TMX3: variants seen among roughly 807,000 people sequenced by gnomAD.
TMX3 encodes the protein protein disulfide-isomerase TMX3.
TMX3 carries 40 observed loss-of-function variants against 64.4 expected under a neutral mutation model. That is an observed-to-expected ratio of 0.62 (90% CI 0.48 to 0.81). The LOEUF (loss-of-function observed/expected upper bound fraction) is 0.81, where lower values mean the gene tolerates loss of function less well. Ranked by LOEUF, TMX3 falls within the 30% of genes least tolerant of loss-of-function variation. The pLI is 0.00. For missense variants in TMX3, 497 were observed against 534.5 expected, an observed-to-expected ratio of 0.93 and a Z score of 0.69; for synonymous variants, 189 against 175.7, an observed-to-expected ratio of 1.08 and a Z score of -0.60.
intron 9 of TMX3, among the ~76,000 whole-genome samples, chr18:68,689,530 T>C (rs1219559895): frequency 1.3e-5 from 2 of 152,128 alleles, no homozygotes; most frequent in African/African-American, 4.8e-5. Flanking sequence ...ATCTCTTTAA[T>C]CCTGTTTCTT....
At chr18:68,695,385 G>T (rs1209226366) in intron 8 of TMX3, among the ~76,000 whole-genome samples, 4 of 152,132 alleles carry the variant, frequency 2.6e-5, no homozygotes, top group Non-Finnish European at 2.9e-5. Context: ...CCATGTCTGG[G>T]AAGGTTCTTT....
intron 8 of TMX3, among the ~76,000 whole-genome samples, chr18:68,694,782 G>T (rs1176870437): frequency 2.0e-5 from 3 of 152,202 alleles, no homozygotes; most frequent in Non-Finnish European, 4.4e-5. Flanking sequence ...TCCTCCAGGA[G>T]TTGAAAATCA....
At chr18:68,693,418 G>A (rs1914725757) in intron 8 of TMX3, among the ~76,000 whole-genome samples, 2 of 152,208 alleles carry the variant, frequency 1.3e-5, no homozygotes, top group South Asian at 4.1e-4. Context: ...CCGGGGCCTG[G>A]AAAGCAGCCA....
intron 3 of TMX3, among the ~76,000 whole-genome samples, chr18:68,710,770 A>G (rs138389541): frequency 1.2e-3 from 176 of 152,302 alleles, no homozygotes; most frequent in African/African-American, 4.0e-3. Context: ...AGATTTTTTA[A>G]CTTTATACTA....
At chr18:68,702,055 A>G (rs1044027557) in intron 4 of TMX3, among the ~76,000 whole-genome samples, 1 of 151,230 alleles carries the variant, frequency 6.6e-6, no homozygotes, top group African/African-American at 2.4e-5. Context: ...TTAAAAATTT[A>G]TAAAATACTT....
At chr18:68,704,391 G>C (rs1356895690) in intron 4 of TMX3, among the ~76,000 whole-genome samples, 1 of 151,382 alleles carries the variant, frequency 6.6e-6, no homozygotes, top group African/African-American at 2.4e-5. Flanking sequence ...ACTCGTTTGA[G>C]AGCAAACAAT....
intron 6 of TMX3, 82 bp from the exon 7 acceptor site, chr18:68,698,113 T>C: frequency 1.2e-6 from 1 of 856,680 alleles, no homozygotes; most frequent in Non-Finnish European, 1.8e-6. Flanking sequence ...ACTAATCATG[T>C]CTCAAGTTAT....
At chr18:68,713,953 C>G in intron 1 of TMX3, 53 bp from the exon 2 acceptor site, 4 of 1,309,682 alleles carry the variant, frequency 3.1e-6, no homozygotes, top group East Asian at 2.4e-5. Flanking sequence ...TTGGCTCATA[C>G]CGTATAAGCT....
intron 8 of TMX3, among the ~76,000 whole-genome samples, chr18:68,695,878 C>A (rs559435304): frequency 6.6e-6 from 1 of 152,326 alleles, no homozygotes; most frequent in South Asian, 2.1e-4. Context: ...CCATGACTTA[C>A]AATGCCTACA....
At chr18:68,683,173 A>G (rs1913612583) in intron 12 of TMX3, among the ~76,000 whole-genome samples, 192 bp from the exon 13 acceptor site, 1 of 152,182 alleles carries the variant, frequency 6.6e-6, no homozygotes, top group Non-Finnish European at 1.5e-5. Context: ...TGTAAATTCT[A>G]CTGGCTTCTG....
intron 8 of TMX3, among the ~76,000 whole-genome samples, chr18:68,694,424 G>A (rs1403080487): frequency 6.6e-6 from 1 of 152,168 alleles, no homozygotes; most frequent in East Asian, 1.9e-4. Flanking sequence ...CAGGTGCCTG[G>A]AGCTGCCTTC....
intron 6 of TMX3, among the ~76,000 whole-genome samples, chr18:68,698,812 C>T (rs1347080290): frequency 2.0e-5 from 3 of 151,476 alleles, no homozygotes; most frequent in Admixed American, 6.6e-5. Flanking sequence ...GTCAGGAGGT[C>T]GAGACCATCC....
rs943802086 is a variant in TMX3 at position 68,673,929 on chromosome 18, T to C, written c.*3004A>G. On this transcript the variant is annotated 3_prime_UTR_variant, in exon 16 of 16. Coordinates refer to ENST00000299608, the MANE Select transcript of TMX3 (RefSeq NM_019022.5). ...AATTGATAGTCTTAATATCCTACAC[T>C]GGTTTATTTGATCATTTAATGCATA... 2 of 152,188 alleles carry C rather than the reference T, an allele frequency of 1.3e-5. No individual in the cohort carries two copies. 9.4% of individuals were successfully genotyped at this position (152,188 alleles called of 1,614,324 possible). A position where few individuals can be genotyped will look rare whatever the true frequency, so the allele number is the denominator to read the frequency against.
chr18:68,688,767 C>T (rs1174559271), intron 9 of TMX3: 2 of 152,142 alleles, frequency 1.3e-5, no homozygotes, highest in African/African-American at 2.4e-5. Flanking sequence ...AAATTTTCTA[C>T]GAGATTGCAT....
At chr18:68,710,794 A>C (rs1286380390) in intron 3 of TMX3, among the ~76,000 whole-genome samples, 3 of 152,222 alleles carry the variant, frequency 2.0e-5, no homozygotes, top group Admixed American at 1.3e-4. Context: ...AAATGTTCAA[A>C]CATACAGAAA....
chr18:68,713,299 G>A (rs2031477466), intron 2 of TMX3, among the ~76,000 whole-genome samples: 1 of 152,196 alleles, frequency 6.6e-6, no homozygotes, highest in Admixed American at 6.5e-5. Flanking sequence ...GGTTGGGAGT[G>A]TAGACATGCA....
At chr18:68,693,074 G>A (rs575332620) in intron 8 of TMX3, among the ~76,000 whole-genome samples, 1 of 152,198 alleles carries the variant, frequency 6.6e-6, no homozygotes, top group Non-Finnish European at 1.5e-5. Flanking sequence ...TGTATAAGAA[G>A]TTCAGATTCT....
chr18:68,685,764 A>G (rs1174810259), intron 10 of TMX3, among the ~76,000 whole-genome samples: 1 of 152,248 alleles, frequency 6.6e-6, no homozygotes, highest in African/African-American at 2.4e-5. Flanking sequence ...CCCATTAAAA[A>G]TAAGAATATG....
intron 10 of TMX3, among the ~76,000 whole-genome samples, chr18:68,685,661 C>T (rs1430493604): frequency 6.6e-6 from 1 of 151,998 alleles, no homozygotes; most frequent in East Asian, 1.9e-4. Context: ...GGGCTGGTTC[C>T]GAGGACATGG....
Sources: allele counts gnomAD v4.1 joint callset (sites outside exome capture counted in the v4.1 genomes callset), GRCh38; gene constraint gnomAD v4.1.1; transcripts MANE v1.5; gene names NCBI Gene and HGNC (gene_info 2026-07-23, HGNC 2026-07-21).